The following ATP2C1 variants were observed in gnomAD, a reference collection of about 807,000 sequenced individuals.
ATP2C1 encodes the protein calcium-transporting ATPase type 2C member 1.
A neutral mutation model predicts 120.5 loss-of-function variants in ATP2C1; 31 were observed. That is an observed-to-expected ratio of 0.26 (90% confidence interval 0.19 to 0.35). ATP2C1 has a LOEUF of 0.35. Ranked by LOEUF, ATP2C1 falls within the 10% of genes least tolerant of loss-of-function variation. The pLI, the probability that ATP2C1 is intolerant of heterozygous loss-of-function variation, is 1.00. For synonymous variants in ATP2C1, 351 were observed against 358.7 expected, an observed-to-expected ratio of 0.98 and a Z score of 0.24; for missense variants, 731 against 1,107.5, an observed-to-expected ratio of 0.66 and a Z score of 4.83.
At chr3:130,893,652 G>A (rs1214562008), upstream of ATP2C1, among the ~76,000 whole-genome samples, 8 of 152,254 alleles carry the variant, frequency 5.3e-5, no homozygotes, top group African/African-American at 1.9e-4. Flanking sequence ...ACTTTGTAGA[G>A]AGCGCTTAAA....
rs377216563 is a variant in ATP2C1, at chr3:130,899,277, C to T, written c.6+4502C>T. On this transcript the variant is annotated intron_variant, in intron 2 of 27. Coordinates refer to ENST00000510168, the MANE Select transcript of ATP2C1 (RefSeq NM_001378687.1). ...AACTTTTAACTCTCTGAAAACTAAA[C>T]TACTAATAGTCTCTACTGTTGCCTG... is the stretch of plus-strand genomic sequence containing the variant. 6 of 152,244 alleles carry T rather than the reference C, an allele frequency of 3.9e-5. No individual in the cohort carries two copies. In the East Asian group the frequency reaches 7.7e-4, roughly 20 times the overall value. The allele number at this position is 152,244 out of a possible 1,614,324, so 9.4% of individuals were successfully genotyped here.
intron 1 of ATP2C1, chr3:130,856,033 G>A (rs901493239): frequency 2.0e-5 from 3 of 151,820 alleles, no homozygotes; most frequent in African/African-American, 7.3e-5. Context: ...GACAAGTCTT[G>A]CCTGTTTAAC....
chr3:131,013,515 A>C (rs1258543836), intron 26 of ATP2C1, among the ~76,000 whole-genome samples: 1 of 152,164 alleles, frequency 6.6e-6, no homozygotes, highest in Non-Finnish European at 1.5e-5. Flanking sequence ...TGAAGCCATT[A>C]GTTTCAACTT....
chr3:130,967,877 A>G (rs1224107838), intron 16 of ATP2C1, among the ~76,000 whole-genome samples: 1 of 152,140 alleles, frequency 6.6e-6, no homozygotes, highest in African/African-American at 2.4e-5. Context: ...AATGATTGTG[A>G]AGTTATAATT....
intron 8 of ATP2C1, among the ~76,000 whole-genome samples, chr3:130,942,330 C>T (rs2059959622): frequency 6.6e-6 from 1 of 152,184 alleles, no homozygotes; most frequent in Non-Finnish European, 1.5e-5. Flanking sequence ...TAGGAGTTAC[C>T]TTTTGAGGCT....
rs572625923 is a variant in ATP2C1, at chr3:130,898,777, G to A, written c.6+4002G>A. 3.9e-5 allele frequency among the ~76,000 whole-genome samples: 6 copies of A among 152,198 alleles called. No homozygotes were observed. In the South Asian group the frequency reaches 8.3e-4, roughly 21 times the overall value. On this transcript the variant is annotated intron_variant, in intron 2 of 27. Transcript: ENST00000510168. Reference sequence around the variant, plus strand: ...GTTTCCTAGGGAACACACCCCTAGGGGCCCAGGACTGATTTTGGAGATCTT... The same window carrying A: ...GTTTCCTAGGGAACACACCCCTAGGAGCCCAGGACTGATTTTGGAGATCTT...
chr3:130,931,676 C>T (rs1471553482), intron 3 of ATP2C1, among the ~76,000 whole-genome samples: 1 of 152,014 alleles, frequency 6.6e-6, no homozygotes, highest in Non-Finnish European at 1.5e-5. Context: ...TTTTTGTTTA[C>T]ATTTTTTTTA....
At chr3:130,868,173 T>C (rs1101220) in intron 1 of ATP2C1, 1 of 124,836 alleles carries the variant, frequency 8.0e-6, no homozygotes, top group Non-Finnish European at 1.7e-5. Context: ...GGTGAGGGGC[T>C]CCTCTGCCCG....
At chr3:130,853,933 A>G (rs1006133754) in intron 1 of ATP2C1, among the ~76,000 whole-genome samples, 3 of 152,144 alleles carry the variant, frequency 2.0e-5, no homozygotes, top group African/African-American at 7.2e-5. Flanking sequence ...GAAGTTCCCC[A>G]TACCCCTTTT....
In ATP2C1 at chr3:130,880,780, T is replaced by C. The variant is rs942994704; in HGVS notation, c.108+29852T>C. Among the ~76,000 whole-genome samples, 11 of 152,344 alleles carry C rather than the reference T, an allele frequency of 7.2e-5. No individual in the cohort carries two copies. The East Asian group carries it at 7.7e-4, about 11-fold the overall frequency. On this transcript the variant is annotated intron_variant, in intron 1 of 26. Transcript: ENST00000504381. ...TGGGACTAGTGGTCTGTTTGGATGA[T>C]TGTCCTGGGCTAAACTGCAGGATCC...
intron 1 of ATP2C1, among the ~76,000 whole-genome samples, chr3:130,865,935 C>A (rs1352527685): frequency 1.3e-5 from 2 of 152,100 alleles, no homozygotes; most frequent in African/African-American, 4.8e-5. Context: ...TTTGTTTAAT[C>A]CCCATAATCA....
chr3:130,900,068 A>AT (rs1340482588), intron 2 of ATP2C1, among the ~76,000 whole-genome samples: 4 of 150,774 alleles, frequency 2.7e-5, no homozygotes, highest in East Asian at 1.9e-4. Context: ...TTATTTATTT[A>AT]TTTTTTTGAG....
chr3:130,856,237 A>G (rs1373088293), intron 1 of ATP2C1: 2 of 152,192 alleles, frequency 1.3e-5, no homozygotes, highest in Non-Finnish European at 2.9e-5. Context: ...CTGTTTCTTA[A>G]TGAATGCTAA....
chr3:131,013,928 C>A, intron 26 of ATP2C1: 1 of 598,786 alleles, frequency 1.7e-6, no homozygotes, highest in Non-Finnish European at 2.8e-6. Context: ...ACTTGGAATT[C>A]AGATTATTGT....
At chr3:130,976,798 G>A (rs1245367358) in intron 18 of ATP2C1, among the ~76,000 whole-genome samples, 1 of 152,020 alleles carries the variant, frequency 6.6e-6, no homozygotes, top group Non-Finnish European at 1.5e-5. Flanking sequence ...GGTTTACCTG[G>A]GCCAGACCTA....
At chr3:130,865,099 GGT>G (rs2068126844) in intron 1 of ATP2C1, among the ~76,000 whole-genome samples, 2 of 152,148 alleles carry the variant, frequency 1.3e-5, no homozygotes, top group Admixed American at 1.3e-4. Flanking sequence ...AAGCCACAGG[GGT>G]GGAGCTGCCT....
intron 9 of ATP2C1, 133 bp downstream of exon 9, chr3:130,954,109 C>A: frequency 2.1e-6 from 2 of 942,898 alleles, no homozygotes; most frequent in Non-Finnish European, 3.3e-6. Context: ...CCCATTACAT[C>A]TATTTGTGAA....
At chr3:130,891,628 C>T (rs758145263), upstream of ATP2C1, among the ~76,000 whole-genome samples, 29 of 152,180 alleles carry the variant, frequency 1.9e-4, no homozygotes, top group Non-Finnish European at 3.8e-4. Context: ...CCCATTGTAG[C>T]TAGCTAACAC....
At chr3:130,993,446 T>A (rs946389978) in intron 21 of ATP2C1, among the ~76,000 whole-genome samples, 1 of 152,230 alleles carries the variant, frequency 6.6e-6, no homozygotes, top group South Asian at 2.1e-4. Context: ...TGGTCTTAAG[T>A]TATGATAGCC....
Sources: gnomAD v4.1 joint callset for allele counts (sites outside exome capture counted in the v4.1 genomes callset) on GRCh38, gnomAD v4.1.1 for gene constraint, MANE v1.5 for transcripts, NCBI Gene and HGNC (gene_info 2026-07-23, HGNC 2026-07-21) for gene names.